Variants in SPPL2B observed in about 807,000 individuals in gnomAD.
The protein encoded by SPPL2B is signal peptide peptidase-like 2B.
A neutral mutation model predicts 59.7 loss-of-function variants in SPPL2B; 39 were observed. That is an observed-to-expected ratio of 0.65 (90% CI 0.51 to 0.85). The LOEUF (loss-of-function observed/expected upper bound fraction) is 0.85, where lower values mean the gene tolerates loss of function less well. SPPL2B is among the 40% of genes least tolerant of loss of function. The pLI is 0.00. For missense variants in SPPL2B, 865 were observed against 849.0 expected (o/e 1.02, Z -0.23); for synonymous variants, 419 against 370.8 (o/e 1.13, Z -1.49).
At position 2,337,469 on chromosome 19, in the gene SPPL2B, G is replaced by T. The variant is rs3752205; in HGVS notation, c.213G>T (p.Thr71=). 3 of 1,608,806 alleles carry T rather than the reference G, an allele frequency of 1.9e-6. No individual in the cohort carries two copies. The highest frequency in any genetic ancestry group is 2.5e-6 in the Non-Finnish European group (3 of 1,177,066). Reference sequence around the variant, plus strand: ...CTTTCCTGCAGCTGCGCAACTGGACGGCCTCCCTGCTCTGCTCCGCAGCCG... The same window carrying T: ...CTTTCCTGCAGCTGCGCAACTGGACTGCCTCCCTGCTCTGCTCCGCAGCCG... ...KASFLQLRNW[T]ASLLCSAADL... Residue 71 remains threonine, a synonymous_variant, in exon 3 of 15, where the codon ACG becomes ACT. Transcript: ENST00000613503.
Position 2,353,312 on chromosome 19 carries a change from A to G in SPPL2B, c.*103A>G. ...GACAGACGCCTGTCCCCCGGGACCG[A>G]GGCCTGTGCCGTCCCCACCCGCCCC... On this transcript the variant is annotated 3_prime_UTR_variant, in exon 15 of 15. Coordinates refer to ENST00000613503, the MANE Select transcript of SPPL2B (RefSeq NM_152988.3). 1 of 1,371,592 alleles carries G rather than the reference A, an allele frequency of 7.3e-7. No homozygotes were observed. Among genetic ancestry groups the G allele is most frequent in the Non-Finnish European group, 9.7e-7 (1 of 1,034,866 alleles). 85.0% of individuals were successfully genotyped at this position (1,371,592 alleles called of 1,614,324 possible). A position where few individuals can be genotyped will look rare whatever the true frequency, so the allele number is the denominator to read the frequency against.
chr19:2,330,257 GC>G (rs1370491183), intron 1 of SPPL2B: 8 of 148,786 alleles, frequency 5.4e-5, no homozygotes, highest in African/African-American at 1.7e-4. Flanking sequence ...ACAGGTGCAT[GC>G]CACCACTCCT....
Position 2,328,696 on chromosome 19 carries a change from G to C in SPPL2B, c.-14G>C. The C allele has an allele frequency of 7.0e-7, 1 of 1,434,890 alleles. No homozygotes were observed. Among genetic ancestry groups the C allele is most frequent in the Non-Finnish European group, 9.1e-7 (1 of 1,104,198 alleles). The allele number at this position is 1,434,890 out of a possible 1,614,324, so 88.9% of individuals were successfully genotyped here. A position where few individuals can be genotyped will look rare whatever the true frequency, so the allele number is the denominator to read the frequency against. ...GGAAACATCTGCCGTTGGTTGCGGC[G>C]GGCACCGGCCGACATGGCGGCAGCG... On this transcript the variant is annotated 5_prime_UTR_variant, in exon 1 of 15. Coordinates refer to ENST00000613503, the MANE Select transcript of SPPL2B (RefSeq NM_152988.3).
In SPPL2B at chr19:2,339,905, C is replaced by A; in HGVS notation, c.681C>A (p.Cys227Ter). ...EAVDVTPVMT[C>*]VFVVMCCSML... is the part of the protein sequence containing the mutation. ...TGGACGTGACGCCGGTGATGACCTG[C>A]GTGTTTGTGGTGATGTGCTGCTCCA... Residue 227 changes from cysteine to a stop codon, truncating the protein, a stop_gained, in exon 6 of 15, where the codon TGC becomes TGA. Coordinates refer to ENST00000613503, the MANE Select transcript of SPPL2B (RefSeq NM_152988.3). LOFTEE classifies it high-confidence loss of function. The A allele has an allele frequency of 1.3e-6, 2 of 1,579,542 alleles. No homozygotes were observed. Among genetic ancestry groups the A allele is most frequent in the South Asian group, 1.2e-5 (1 of 86,376 alleles).
intron 12 of SPPL2B, among the ~76,000 whole-genome samples, chr19:2,344,964 A>G (rs990445726): frequency 6.6e-6 from 1 of 152,030 alleles, no homozygotes; most frequent in African/African-American, 2.4e-5. Flanking sequence ...CAGTGAGCTC[A>G]TGTTGCTGCA....
Position 2,346,814 on chromosome 19 carries a change from C to T in SPPL2B, c.1354+1484C>T, listed in dbSNP as rs149712965. On this transcript the variant is annotated intron_variant, in intron 13 of 14. Transcript: ENST00000613503. ...AGGTGCCAGCCCTCCCTGTTTGTGT[C>T]TGTCTGCGTCTGTTGATGATGGCTG... Among the ~76,000 whole-genome samples the T allele has an allele frequency of 9.2e-5, 14 of 152,348 alleles. No homozygotes were observed. In the East Asian group the frequency reaches 2.7e-3, roughly 29 times the overall value.
At chr19:2,346,110 T>C (rs1209588222) in intron 13 of SPPL2B, among the ~76,000 whole-genome samples, 1 of 152,272 alleles carries the variant, frequency 6.6e-6, no homozygotes, top group Admixed American at 6.5e-5. Flanking sequence ...TTGACCCACA[T>C]TGTTTTGAAA....
chr19:2,330,135 G>A (rs1462345881), intron 1 of SPPL2B, among the ~76,000 whole-genome samples: 1 of 151,278 alleles, frequency 6.6e-6, no homozygotes, highest in East Asian at 1.9e-4. Flanking sequence ...TTGAGACGGA[G>A]TCTCGCTCTG....
chr19:2,337,734 C>A, intron 3 of SPPL2B, 109 bp downstream of exon 3: 1 of 1,138,470 alleles, frequency 8.8e-7, no homozygotes, highest in Non-Finnish European at 1.2e-6. Flanking sequence ...TCGCTAAAGG[C>A]AGATCCATCT....
chr19:2,336,290 A>G (rs79575604), intron 2 of SPPL2B, among the ~76,000 whole-genome samples: 13 of 152,308 alleles, frequency 8.5e-5, no homozygotes, highest in Admixed American at 3.9e-4. Context: ...GTGTGTCTGT[A>G]TGTGTGCAGG....
rs1969163374 is a variant in SPPL2B at position 2,343,263 on chromosome 19, C to T, written c.1009C>T (p.Leu337=). The T allele has an allele frequency of 6.4e-7, 1 of 1,555,750 alleles. No individual in the cohort carries two copies. The highest frequency in any genetic ancestry group is 1.2e-5 in the South Asian group (1 of 84,452). ...ALGIAFCLYM[L]KTIRLPTFKA... Reference sequence around the variant, plus strand: ...GGGCATCGCCTTCTGCCTCTACATGCTGAAGACCATCCGTCTGCCCACCTT... The same window carrying T: ...GGGCATCGCCTTCTGCCTCTACATGTTGAAGACCATCCGTCTGCCCACCTT... Residue 337 remains leucine (L), a synonymous_variant, in exon 9 of 15, where the codon CTG becomes TTG. Coordinates refer to ENST00000613503, the MANE Select transcript of SPPL2B (RefSeq NM_152988.3).
chr19:2,348,206 T>C (rs1044746177), intron 13 of SPPL2B, among the ~76,000 whole-genome samples: 7 of 96,316 alleles, frequency 7.3e-5, no homozygotes, highest in Admixed American at 2.2e-4. Flanking sequence ...CCGTTCTCTC[T>C]CCACACACAC....
intron 5 of SPPL2B, 88 bp from the exon 6 acceptor site, chr19:2,339,736 G>C: frequency 6.0e-6 from 9 of 1,499,644 alleles, no homozygotes; most frequent in Non-Finnish European, 8.1e-6. Context: ...CGGGTTTTCT[G>C]CCCCGTTCCC....
chr19:2,339,447 A>G (rs1460811293), intron 5 of SPPL2B, among the ~76,000 whole-genome samples: 1 of 152,052 alleles, frequency 6.6e-6, no homozygotes, highest in Non-Finnish European at 1.5e-5. Flanking sequence ...TGTGGCAGGT[A>G]CGGGCGTGGC....
At position 2,340,388 on chromosome 19, in the gene SPPL2B, G is replaced by A. The variant is rs370382703; in HGVS notation, c.839+216G>A. On this transcript the variant is annotated intron_variant, in intron 7 of 14. Coordinates refer to ENST00000613503, the MANE Select transcript of SPPL2B (RefSeq NM_152988.3). ...AGCAGCCAGGCGCCAGGGGTGGCGG[G>A]GGGAGGGTGCCCTTGTCCCCAGGAA... 9.8e-6 allele frequency: 6 copies of A among 612,648 alleles called. No homozygotes were observed. In the East Asian group the frequency reaches 1.1e-4, roughly 12 times the overall value. The allele number at this position is 612,648 out of a possible 1,614,324, so 38.0% of individuals were successfully genotyped here.
In SPPL2B at chr19:2,339,092, G is replaced by A. The variant is rs1005476396; in HGVS notation, c.483G>A (p.Ala161=). 32 of 1,566,130 alleles carry A rather than the reference G, an allele frequency of 2.0e-5. No individual in the cohort carries two copies. The highest frequency in any genetic ancestry group is 6.8e-5 in the African/African-American group (5 of 73,774). The change falls in exon 5 of 15, where the codon GCG becomes GCA. Residue 161 remains alanine (A), a synonymous_variant. Coordinates refer to ENST00000613503, the MANE Select transcript of SPPL2B (RefSeq NM_152988.3). ...AGCGTTTCGGCCGCACGGTGAGGGC[G>A]GCGCTGTATGCGCCTAAGGAGCCGG... ...IFTRFGRTVR[A]ALYAPKEPVL...
intron 1 of SPPL2B, among the ~76,000 whole-genome samples, chr19:2,329,197 C>T (rs574233779): frequency 1.3e-5 from 2 of 152,354 alleles, no homozygotes; most frequent in South Asian, 2.1e-4. Flanking sequence ...GCTAACCTCA[C>T]CCTAGGGGGT....
At chr19:2,331,881 G>A (rs546630751) in intron 1 of SPPL2B, among the ~76,000 whole-genome samples, 1 of 152,368 alleles carries the variant, frequency 6.6e-6, no homozygotes, top group East Asian at 1.9e-4. Flanking sequence ...GCTTGGCTGT[G>A]TTCCAATAAA....
rs535889523 is a variant in SPPL2B at position 2,341,032 on chromosome 19, C to G, written c.956+18C>G. ...GAGGACCAGTAAGTGCTGCTTCCCC[C>G]GGGCCCCGGCGGGCAGCGGAGTCCT... On this transcript the variant is annotated intron_variant, in intron 8 of 14. Coordinates refer to ENST00000613503, the MANE Select transcript of SPPL2B (RefSeq NM_152988.3). 6 of 1,572,926 alleles carry G rather than the reference C, an allele frequency of 3.8e-6. No individual in the cohort carries two copies. Among genetic ancestry groups the G allele is most frequent in the Admixed American group, 1.7e-5 (1 of 59,826 alleles).
Sources: allele counts gnomAD v4.1 joint callset (sites outside exome capture counted in the v4.1 genomes callset), GRCh38; gene constraint gnomAD v4.1.1; transcripts MANE v1.5; gene names NCBI Gene and HGNC (gene_info 2026-07-23, HGNC 2026-07-21).